Variants in GRAP2 observed in about 807,000 individuals in gnomAD.
GRAP2 encodes GRB2-related adapter protein 2.
GRAP2 carries 31 observed loss-of-function variants against 43.5 expected under a neutral mutation model. That is an observed-to-expected ratio of 0.71 (90% CI 0.54 to 0.96). The LOEUF (loss-of-function observed/expected upper bound fraction) is 0.96, where lower values mean the gene tolerates loss of function less well. Among genes scored for constraint, GRAP2 ranks in the 40% least tolerant of loss-of-function variants. The probability of loss-of-function intolerance (pLI) is 0.00; values close to 1 mark genes in which losing one functional copy is unlikely to be tolerated. For missense variants in GRAP2, 371 were observed against 424.4 expected, an observed-to-expected ratio of 0.87 and a Z score of 1.11; for synonymous variants, 156 against 164.8, an observed-to-expected ratio of 0.95 and a Z score of 0.41.
chr22:39,895,573 GT>G, the GRAP2 span, among the ~76,000 whole-genome samples: 2 of 152,104 alleles, frequency 1.3e-5, no homozygotes, highest in Non-Finnish European at 2.9e-5. Context: ...AGTTTATGAA[GT>G]TTTTTTATAT....
At chr22:39,964,531 C>G (rs897307469) in intron 4 of GRAP2, 3 of 873,714 alleles carry the variant, frequency 3.4e-6, no homozygotes, top group Non-Finnish European at 3.9e-6. Context: ...GAAGGGGCCT[C>G]TGGCCACAGG....
chr22:39,959,555 C>A (rs1158807196), intron 3 of GRAP2, among the ~76,000 whole-genome samples: 1 of 152,168 alleles, frequency 6.6e-6, no homozygotes, highest in African/African-American at 2.4e-5. Flanking sequence ...CTGTAACTTT[C>A]CTTTAATACC....
At chr22:39,941,961 A>T (rs191530028) in intron 1 of GRAP2, among the ~76,000 whole-genome samples, 1 of 151,722 alleles carries the variant, frequency 6.6e-6, no homozygotes, top group Admixed American at 6.6e-5. Context: ...GCTGGAGGGG[A>T]TAGGCAGGTG....
intron 1 of GRAP2, 41 bp from the exon 2 acceptor site, chr22:39,947,052 C>T (rs569467498): frequency 3.5e-6 from 4 of 1,144,476 alleles, no homozygotes; most frequent in African/African-American, 1.5e-5. Context: ...CTGCCCTCCC[C>T]CTGGCAGAGA....
intron 1 of GRAP2, among the ~76,000 whole-genome samples, chr22:39,936,089 A>G (rs2066803731): frequency 6.6e-6 from 1 of 152,210 alleles, no homozygotes; most frequent in South Asian, 2.1e-4. Context: ...AGGGGAAATC[A>G]TGATGTGAAT....
chr22:39,909,555 A>G (rs1258759615), intron 1 of GRAP2, among the ~76,000 whole-genome samples: 4 of 152,212 alleles, frequency 2.6e-5, no homozygotes, highest in Admixed American at 1.3e-4. Context: ...TCTTTTGGCT[A>G]CTGTCTGCAG....
At chr22:39,922,948 A>G (rs1009784691) in intron 1 of GRAP2, among the ~76,000 whole-genome samples, 2 of 152,082 alleles carry the variant, frequency 1.3e-5, no homozygotes, top group Non-Finnish European at 2.9e-5. Flanking sequence ...AGGCTGAGGC[A>G]GGAGAATTGC....
chr22:39,913,238 G>A (rs1236178854), intron 1 of GRAP2, among the ~76,000 whole-genome samples: 5 of 151,702 alleles, frequency 3.3e-5, no homozygotes, highest in Admixed American at 2.0e-4. Flanking sequence ...TTCAGGGACT[G>A]GACACCAGGT....
At position 39,901,143 on chromosome 22, in the gene GRAP2, G is replaced by A; in HGVS notation, c.-202G>A. The A allele has an allele frequency of 4.4e-6, 2 of 450,536 alleles. No individual in the cohort carries two copies. Among genetic ancestry groups the A allele is most frequent in the East Asian group, 7.0e-5 (1 of 14,234 alleles). 27.9% of individuals were successfully genotyped at this position (450,536 alleles called of 1,614,324 possible). ...GGGAGTAAGAGGTGGGGAGGAGGAG[G>A]CACAGTTAATGGATCTGTAAACTTG... On this transcript the variant is annotated 5_prime_UTR_variant, in exon 1 of 8. Coordinates refer to ENST00000344138, the MANE Select transcript of GRAP2 (RefSeq NM_004810.4).
chr22:39,947,638 A>G (rs1370126492), intron 2 of GRAP2: 2 of 159,310 alleles, frequency 1.3e-5, no homozygotes, highest in Non-Finnish European at 2.8e-5. Flanking sequence ...CAGAGCTGGA[A>G]CTCAGGAGGA....
At chr22:39,949,742 G>C (rs1428376011) in intron 2 of GRAP2, among the ~76,000 whole-genome samples, 1 of 152,180 alleles carries the variant, frequency 6.6e-6, no homozygotes, top group Non-Finnish European at 1.5e-5. Context: ...GATTCGAGGT[G>C]ATGACCCTGT....
intron 1 of GRAP2, among the ~76,000 whole-genome samples, chr22:39,936,263 G>T (rs1405105809): frequency 1.3e-5 from 2 of 152,108 alleles, no homozygotes; most frequent in African/African-American, 4.8e-5. Flanking sequence ...GGGGTGGGGG[G>T]CGGTATTTTT....
At chr22:39,904,575 A>G (rs1327984840) in intron 1 of GRAP2, among the ~76,000 whole-genome samples, 1 of 151,930 alleles carries the variant, frequency 6.6e-6, no homozygotes, top group East Asian at 1.9e-4. Flanking sequence ...ATAATACTTC[A>G]CTCCTAAATA....
chr22:39,940,473 G>A (rs373370946), intron 1 of GRAP2, among the ~76,000 whole-genome samples: 9 of 151,272 alleles, frequency 5.9e-5, no homozygotes, highest in South Asian at 2.1e-4. Flanking sequence ...GCTTACAGGC[G>A]AGCCATAAGG....
At chr22:39,912,968 G>A (rs1333757403) in intron 1 of GRAP2, among the ~76,000 whole-genome samples, 1 of 152,008 alleles carries the variant, frequency 6.6e-6, no homozygotes, top group East Asian at 1.9e-4. Context: ...CGAGGCGGGT[G>A]GATCATCTGA....
the GRAP2 span, among the ~76,000 whole-genome samples, chr22:39,895,679 A>G: frequency 1.3e-5 from 2 of 152,234 alleles, no homozygotes; most frequent in African/African-American, 4.8e-5. Context: ...ATATGCATAC[A>G]TTCTACATTA....
intron 1 of GRAP2, among the ~76,000 whole-genome samples, chr22:39,920,446 G>A (rs1324040501): frequency 6.6e-6 from 1 of 152,120 alleles, no homozygotes; most frequent in Non-Finnish European, 1.5e-5. Flanking sequence ...CCTTCTCACG[G>A]GGCTCCTGCT....
In GRAP2 at chr22:39,947,163, T is replaced by C; in HGVS notation, c.57T>C (p.Phe19=). The change falls in exon 2 of 8, where the codon TTT becomes TTC. Residue 19 remains phenylalanine (F), a synonymous_variant. Transcript: ENST00000344138. ...CTTCAGGTGAGGATGAACTGAGCTT[T>C]CACACTGGAGATGTTTTGAAGGTAG... ...FTASGEDELS[F]HTGDVLKILS... is the part of the protein sequence containing the mutation. 1 of 1,597,108 alleles carries C rather than the reference T, an allele frequency of 6.3e-7. No homozygotes were observed. The highest frequency in any genetic ancestry group is 8.6e-7 in the Non-Finnish European group (1 of 1,164,442).
intron 2 of GRAP2, among the ~76,000 whole-genome samples, chr22:39,951,321 G>A (rs2066979874): frequency 1.3e-5 from 2 of 152,186 alleles, no homozygotes; most frequent in Admixed American, 1.3e-4. Flanking sequence ...TTTGCCAGTA[G>A]CTTTGAAAAA....
Sources: gnomAD v4.1 joint callset for allele counts (sites outside exome capture counted in the v4.1 genomes callset) on GRCh38, gnomAD v4.1.1 for gene constraint, MANE v1.5 for transcripts, NCBI Gene and HGNC (gene_info 2026-07-23, HGNC 2026-07-21) for gene names.